Variants in TNS3 observed in about 807,000 individuals in gnomAD.
TNS3 encodes the protein tensin 3, also known as tensin-3.
Under a neutral mutation model 140.9 loss-of-function variants are expected in TNS3, and 45 were observed. The observed-to-expected ratio is 0.32, with a 90% CI of 0.25 to 0.41. The LOEUF (loss-of-function observed/expected upper bound fraction) is 0.41. Among genes scored for constraint, TNS3 ranks in the 10% least tolerant of loss-of-function variants. The pLI is 1.00. For synonymous variants in TNS3, 815 were observed against 788.4 expected, an observed-to-expected ratio of 1.03 and a Z score of -0.56; for missense variants, 1,716 against 1,906.7, an observed-to-expected ratio of 0.90 and a Z score of 1.86.
At chr7:47,556,958 C>T (rs1417982320) in intron 1 of TNS3, 1 of 452,112 alleles carries the variant, frequency 2.2e-6, no homozygotes, top group African/African-American at 2.0e-5. Flanking sequence ...GCCCTCTGTC[C>T]TCCAGTCCCT....
At chr7:47,351,814 G>A (rs766626832) in intron 17 of TNS3, among the ~76,000 whole-genome samples, 4 of 152,282 alleles carry the variant, frequency 2.6e-5, no homozygotes, top group East Asian at 3.9e-4. Context: ...GCTCCTGTCC[G>A]TGAAGAATGG....
rs111564955 is a variant in TNS3 at position 47,491,121 on chromosome 7, T to C, written c.-114-9980A>G. Among the ~76,000 whole-genome samples the C allele has an allele frequency of 1.1e-4, 16 of 152,264 alleles. 1 individual carries two copies. Among genetic ancestry groups the C allele is most frequent in the African/African-American group, 3.8e-4 (16 of 41,570 alleles). ...GGCGGGCAGACATGACCCAGGACAC[T>C]AGCCAGTGGGCAGAGAGGCAGAGGG... On this transcript the variant is annotated intron_variant, in intron 3 of 30. Coordinates refer to ENST00000311160, the MANE Select transcript of TNS3 (RefSeq NM_022748.12).
At chr7:47,446,175 G>A (rs1042645950) in intron 4 of TNS3, among the ~76,000 whole-genome samples, 4 of 152,080 alleles carry the variant, frequency 2.6e-5, no homozygotes, top group Admixed American at 6.5e-5. Context: ...GCAGTGGCAC[G>A]ATCTCAGCTC....
rs572924818 is a variant in TNS3, at chr7:47,497,941, T to C, written c.-115+8966A>G. On this transcript the variant is annotated intron_variant, in intron 3 of 30. Coordinates refer to ENST00000311160, the MANE Select transcript of TNS3 (RefSeq NM_022748.12). Reference sequence around the variant, plus strand: ...ATTCAGGGGCCTCATCTTCTCTGGGTGTCCCACTCTGTCATCAGAGCCTGG... The same window carrying C: ...ATTCAGGGGCCTCATCTTCTCTGGGCGTCCCACTCTGTCATCAGAGCCTGG... Among the ~76,000 whole-genome samples, 155 of 152,288 alleles carry C rather than the reference T, an allele frequency of 1.0e-3. No homozygotes were observed. The Middle Eastern group carries it at 0.01, about 10-fold the overall frequency.
At chr7:47,479,995 C>T (rs1797355941) in intron 4 of TNS3, among the ~76,000 whole-genome samples, 1 of 152,226 alleles carries the variant, frequency 6.6e-6, no homozygotes, top group African/African-American at 2.4e-5. Context: ...GGGCAGGGGG[C>T]AAGGGCAAGG....
At chr7:47,460,509 C>T (rs1029392277) in intron 4 of TNS3, among the ~76,000 whole-genome samples, 40 of 152,224 alleles carry the variant, frequency 2.6e-4, no homozygotes, top group African/African-American at 9.6e-4. Context: ...GGAAATGCTG[C>T]TGCCAGGAGC....
chr7:47,442,389 G>A lies in TNS3; in HGVS notation c.-75-334C>T, dbSNP rs183138605. 7.8e-4 allele frequency among the ~76,000 whole-genome samples: 119 copies of A among 152,308 alleles called. 1 individual carries two copies. Among genetic ancestry groups the A allele is most frequent in the South Asian group, 1.0e-3 (5 of 4,818 alleles). ...ACAGGAGGTGCCAGATGACACCAGC[G>A]CTATGACTATCATGGCTGCTATTAT... On this transcript the variant is annotated intron_variant, in intron 4 of 30. Transcript: ENST00000311160.
At chr7:47,433,422 T>C (rs896547721) in intron 8 of TNS3, among the ~76,000 whole-genome samples, 1 of 152,106 alleles carries the variant, frequency 6.6e-6, no homozygotes, top group Admixed American at 6.5e-5. Flanking sequence ...TTCAACATGT[T>C]CCCATGAATT....
At chr7:47,565,863 G>C (rs896386242) in intron 1 of TNS3, among the ~76,000 whole-genome samples, 1 of 152,160 alleles carries the variant, frequency 6.6e-6, no homozygotes, top group African/African-American at 2.4e-5. Flanking sequence ...GTTCTCCTAA[G>C]TATGAGAACT....
chr7:47,382,667 C>T lies in TNS3; in HGVS notation c.1025-13046G>A, dbSNP rs73326553. Among the ~76,000 whole-genome samples, 725 of 152,154 alleles carry T rather than the reference C, an allele frequency of 4.8e-3. 5 individuals are homozygous for T. Among genetic ancestry groups the T allele is most frequent in the African/African-American group, 0.017 (693 of 41,498 alleles). On this transcript the variant is annotated intron_variant, in intron 16 of 30. Transcript: ENST00000311160. ...ATTGGTTCCAAGACACCAGCACCCC[C>T]CAGTCCCCCACCACCCCCTGTGAGT...
chr7:47,482,783 G>A (rs1020332643), intron 3 of TNS3, among the ~76,000 whole-genome samples: 1 of 152,026 alleles, frequency 6.6e-6, no homozygotes, highest in Non-Finnish European at 1.5e-5. Context: ...ACACAAAGAG[G>A]AAACTTAAAT....
intron 20 of TNS3, among the ~76,000 whole-genome samples, chr7:47,342,125 T>C (rs1048691948): frequency 9.2e-5 from 14 of 152,126 alleles, no homozygotes; most frequent in Non-Finnish European, 1.6e-4. Context: ...TCCTGGCCCA[T>C]AGATATTATA....
At chr7:47,374,613 G>T (rs1196604867) in intron 16 of TNS3, among the ~76,000 whole-genome samples, 2 of 152,198 alleles carry the variant, frequency 1.3e-5, no homozygotes, top group Non-Finnish European at 2.9e-5. Flanking sequence ...TGGAAGCAGG[G>T]TCACTGCATG....
intron 27 of TNS3, among the ~76,000 whole-genome samples, chr7:47,284,852 C>A (rs760018284): frequency 6.6e-6 from 1 of 152,220 alleles, no homozygotes; most frequent in Admixed American, 6.5e-5. Context: ...CTCGGATGCA[C>A]GGTACGCGCT....
intron 4 of TNS3, among the ~76,000 whole-genome samples, chr7:47,448,278 C>T (rs1389286258): frequency 6.6e-6 from 1 of 152,212 alleles, no homozygotes; most frequent in African/African-American, 2.4e-5. Context: ...AGACACAGGC[C>T]CCATTCCCTC....
intron 2 of TNS3, among the ~76,000 whole-genome samples, chr7:47,518,275 C>A (rs117006429): frequency 1.3e-5 from 2 of 152,130 alleles, no homozygotes; most frequent in Non-Finnish European, 2.9e-5. Flanking sequence ...CCTCTCTGTG[C>A]GCCCGTGTGG....
intron 2 of TNS3, among the ~76,000 whole-genome samples, chr7:47,514,144 C>T (rs1206093305): frequency 6.6e-6 from 1 of 152,220 alleles, no homozygotes; most frequent in Non-Finnish European, 1.5e-5. Flanking sequence ...GTTTGCCAGC[C>T]TCTCTGTGTC....
intron 3 of TNS3, among the ~76,000 whole-genome samples, chr7:47,499,136 T>G (rs1315422689): frequency 1.3e-5 from 2 of 152,200 alleles, no homozygotes; most frequent in Non-Finnish European, 2.9e-5. Flanking sequence ...CTTGCTGACT[T>G]TGAGAGTGAG....
At position 47,396,796 on chromosome 7, in the gene TNS3, G is replaced by T; in HGVS notation, c.1024+4C>A. The stretch of plus-strand genomic sequence containing the variant: ...ATAACTGCACACAAGATGAACACAC[G>T]CACCTTCTCCATCTGCACTGAGGTT... On this transcript the variant is annotated splice_donor_region_variant and intron_variant, in intron 16 of 30. Transcript: ENST00000311160. 1 of 1,609,282 alleles carries T rather than the reference G, an allele frequency of 6.2e-7. No individual in the cohort carries two copies.
Sources: gnomAD v4.1 joint callset for allele counts (sites outside exome capture counted in the v4.1 genomes callset) on GRCh38, gnomAD v4.1.1 for gene constraint, MANE v1.5 for transcripts, NCBI Gene and HGNC (gene_info 2026-07-23, HGNC 2026-07-21) for gene names.